Variants in FAM13C observed in about 807,000 individuals in gnomAD.
FAM13C encodes the protein family with sequence similarity 13 member C, also known as protein FAM13C.
Under a neutral mutation model 73.2 loss-of-function variants are expected in FAM13C, and 37 were observed. The ratio of observed to expected loss-of-function variants is 0.51; its 90% CI spans 0.39 to 0.67. The LOEUF is 0.67. Ranked by LOEUF, FAM13C falls within the 30% of genes least tolerant of loss-of-function variation. The pLI, the probability that FAM13C is intolerant of heterozygous loss-of-function variation, is 0.00. For missense variants in FAM13C, 589 were observed against 715.6 expected (o/e 0.82, Z 2.02); for synonymous variants, 246 against 260.9 (o/e 0.94, Z 0.55).
At chr10:59,261,595 T>C (rs1174330797) in intron 10 of FAM13C, among the ~76,000 whole-genome samples, 1 of 152,062 alleles carries the variant, frequency 6.6e-6, no homozygotes, top group Non-Finnish European at 1.5e-5. Context: ...GACCTATAAA[T>C]AGTGCTTCCA....
intron 5 of FAM13C, chr10:59,301,202 CAG>C (rs1344432182): frequency 6.6e-6 from 1 of 152,158 alleles, no homozygotes; most frequent in African/African-American, 2.4e-5. Context: ...TTGGCCATAA[CAG>C]AAACTGTGTG....
chr10:59,262,461 C>T lies in FAM13C; in HGVS notation c.1209G>A (p.Glu403=), dbSNP rs1842602396. The T allele has an allele frequency of 1.2e-6, 2 of 1,613,568 alleles. No individual in the cohort carries two copies. Among genetic ancestry groups the T allele is most frequent in the African/African-American group, 1.3e-5 (1 of 75,000 alleles). Residue 403 remains glutamate, a synonymous_variant, in exon 10 of 14, where the codon GAG becomes GAA. Transcript: ENST00000618804. ...TAGAATCCTCCTGGGGAGGAAGTTG[C>T]TCTCTTCTCTCCTTCAGGCATGTCA... ...AALTCLKERR[E]QLPPQEDSKV...
At chr10:59,351,029 TTC>T (rs1326586576) in intron 3 of FAM13C, among the ~76,000 whole-genome samples, 1 of 152,122 alleles carries the variant, frequency 6.6e-6, no homozygotes, top group East Asian at 1.9e-4. Flanking sequence ...GAGTAGATAA[TTC>T]AATCTTTTTT....
intron 4 of FAM13C, among the ~76,000 whole-genome samples, chr10:59,320,462 G>A (rs1353806325): frequency 6.6e-6 from 1 of 152,192 alleles, no homozygotes; most frequent in African/African-American, 2.4e-5. Flanking sequence ...TCTGTTAAGG[G>A]AAATCAGAAG....
intron 13 of FAM13C, 163 bp downstream of exon 13, chr10:59,251,412 G>C: frequency 1.5e-6 from 1 of 669,314 alleles, no homozygotes; most frequent in Non-Finnish European, 2.7e-6. Context: ...CCCTAATACT[G>C]GCACTATTAG....
intron 3 of FAM13C, among the ~76,000 whole-genome samples, chr10:59,343,900 C>T (rs1420322004): frequency 6.6e-6 from 1 of 151,626 alleles, no homozygotes; most frequent in Non-Finnish European, 1.5e-5. Flanking sequence ...AGGAGGTTTT[C>T]GTGTTTTTGC....
chr10:59,324,506 A>T (rs936664438), intron 3 of FAM13C, among the ~76,000 whole-genome samples: 1 of 151,684 alleles, frequency 6.6e-6, no homozygotes, highest in African/African-American at 2.4e-5. Flanking sequence ...GTTCACACAT[A>T]CTCACACACA....
intron 5 of FAM13C, 114 bp from the exon 6 acceptor site, chr10:59,283,561 AAC>A: frequency 3.0e-6 from 3 of 1,003,580 alleles, no homozygotes; most frequent in Non-Finnish European, 4.8e-6. Context: ...CCTAACACAC[AAC>A]AGTGTGTCCG....
At chr10:59,258,344 A>T (rs1053619887) in intron 10 of FAM13C, among the ~76,000 whole-genome samples, 1 of 152,184 alleles carries the variant, frequency 6.6e-6, no homozygotes. Flanking sequence ...TCAACCAGGC[A>T]TGGTGGTGCA....
At chr10:59,316,881 T>C (rs1849593340) in intron 4 of FAM13C, among the ~76,000 whole-genome samples, 1 of 152,170 alleles carries the variant, frequency 6.6e-6, no homozygotes, top group African/African-American at 2.4e-5. Context: ...ACAAGTTACA[T>C]AGCAATGTAA....
chr10:59,251,437 CA>C (rs1487535714), intron 13 of FAM13C, 137 bp downstream of exon 13: 5 of 758,838 alleles, frequency 6.6e-6, no homozygotes, highest in Non-Finnish European at 1.2e-5. Flanking sequence ...TTGCATTGGA[CA>C]AATCCTGAGT....
chr10:59,313,525 A>T (rs1482069406), intron 4 of FAM13C, among the ~76,000 whole-genome samples: 1 of 152,142 alleles, frequency 6.6e-6, no homozygotes, highest in African/African-American at 2.4e-5. Flanking sequence ...ACCCCTTTAA[A>T]AACCTTTTTG....
At chr10:59,303,188 C>T (rs898595138) in intron 4 of FAM13C, among the ~76,000 whole-genome samples, 6 of 152,190 alleles carry the variant, frequency 3.9e-5, no homozygotes, top group Non-Finnish European at 8.8e-5. Flanking sequence ...TGAGCCCAGA[C>T]TGCTCTCCCC....
chr10:59,300,008 T>C (rs1406414956), intron 5 of FAM13C, among the ~76,000 whole-genome samples: 2 of 152,124 alleles, frequency 1.3e-5, no homozygotes, highest in Non-Finnish European at 2.9e-5. Context: ...AGGTGTCAAA[T>C]CTATACTCAT....
At chr10:59,343,322 C>T (rs1345666299) in intron 3 of FAM13C, among the ~76,000 whole-genome samples, 2 of 152,140 alleles carry the variant, frequency 1.3e-5, no homozygotes, top group African/African-American at 4.8e-5. Context: ...TTTGGTGATA[C>T]TTAATTAACC....
At position 59,252,921 on chromosome 10, in the gene FAM13C, A is replaced by C. The variant is rs766794321; in HGVS notation, c.1410T>G (p.Leu470=). Residue 470 remains leucine, a synonymous_variant, in exon 12 of 14, where the codon CTT becomes CTG. Coordinates refer to ENST00000618804, the MANE Select transcript of FAM13C (RefSeq NM_198215.4). The part of the protein sequence containing the change: ...QPSLADPASH[L]PVGDHLTYSN... ...AGTAGGTGAGGTGGTCACCAACAGG[A>C]AGGTGAGATGCTGGATCTGCCAAAG... 3 of 1,614,014 alleles carry C rather than the reference A, an allele frequency of 1.9e-6. No homozygotes were observed. In the East Asian group the frequency reaches 6.7e-5, roughly 36 times the overall value.
At chr10:59,311,809 C>T (rs1848958202) in intron 4 of FAM13C, among the ~76,000 whole-genome samples, 1 of 152,164 alleles carries the variant, frequency 6.6e-6, no homozygotes, top group African/African-American at 2.4e-5. Context: ...ATACTGCCTA[C>T]ACAGTTCCTC....
chr10:59,307,179 G>A (rs1848351599), intron 4 of FAM13C, among the ~76,000 whole-genome samples: 2 of 152,092 alleles, frequency 1.3e-5, no homozygotes, highest in South Asian at 4.1e-4. Context: ...AAGTAAAAAT[G>A]TCTGGCCAGG....
Position 59,246,252 on chromosome 10 carries a change from A to AGAT in FAM13C, c.*1359_*1361dup, listed in dbSNP as rs1237146092. 1 of 157,790 alleles carries AGAT rather than the reference A, an allele frequency of 6.3e-6. No homozygotes were observed. Among genetic ancestry groups the AGAT allele is most frequent in the Non-Finnish European group, 1.4e-5 (1 of 71,646 alleles). 9.8% of individuals were successfully genotyped at this position (157,790 alleles called of 1,614,324 possible). A position where few individuals can be genotyped will look rare whatever the true frequency, so the allele number is the denominator to read the frequency against. On this transcript the variant is annotated 3_prime_UTR_variant, in exon 14 of 14. Transcript: ENST00000618804. The stretch of plus-strand genomic sequence containing the variant: ...GTCACGAAACCATTTCCCTTATCAA[A>AGAT]GATGTAATTTGTAAACCTCAAATAG...
Sources: gnomAD v4.1 joint callset for allele counts (sites outside exome capture counted in the v4.1 genomes callset) on GRCh38, gnomAD v4.1.1 for gene constraint, MANE v1.5 for transcripts, NCBI Gene and HGNC (gene_info 2026-07-23, HGNC 2026-07-21) for gene names.